Variants in STXBP4 observed in about 807,000 individuals in gnomAD.
STXBP4 encodes the protein syntaxin binding protein 4.
A neutral mutation model predicts 76.1 loss-of-function variants in STXBP4; 55 were observed. That is an observed-to-expected ratio of 0.72 (90% CI 0.58 to 0.91). The LOEUF (loss-of-function observed/expected upper bound fraction) is 0.91. Among genes scored for constraint, STXBP4 ranks in the 40% least tolerant of loss-of-function variants. The pLI, the probability that STXBP4 is intolerant of heterozygous loss-of-function variation, is 0.00. For missense variants in STXBP4, 618 were observed against 636.9 expected (o/e 0.97, Z 0.32); for synonymous variants, 201 against 220.2 (o/e 0.91, Z 0.77).
chr17:55,122,649 A>T (rs1486504709), intron 16 of STXBP4, among the ~76,000 whole-genome samples: 1 of 152,226 alleles, frequency 6.6e-6, no homozygotes, highest in Non-Finnish European at 1.5e-5. Flanking sequence ...AATAGAAAGC[A>T]GTCCATTTAA....
rs2080396657 is a variant in STXBP4, at chr17:55,169,842, AG to A, written c.*9932del. 2 of 152,224 alleles carry A rather than the reference AG, an allele frequency of 1.3e-5. No individual in the cohort carries two copies. The highest frequency in any genetic ancestry group is 4.8e-5 in the African/African-American group (2 of 41,460). The allele number at this position is 152,224 out of a possible 1,614,324, so 9.4% of individuals were successfully genotyped here. ...ATTGAATGTCTAAACAATCCAAGAC[AG>A]ATAATTTTGTAGTATTTACTGTGTG... On this transcript the variant is annotated 3_prime_UTR_variant, in exon 18 of 18. Transcript: ENST00000376352.
the STXBP4 span, among the ~76,000 whole-genome samples, chr17:55,211,168 C>T: frequency 2.0e-5 from 3 of 152,164 alleles, no homozygotes; most frequent in Admixed American, 6.5e-5. Context: ...TCCACCCGCA[C>T]CAGCCTTGAG....
At chr17:55,187,278 A>T in the STXBP4 span, among the ~76,000 whole-genome samples, 1 of 152,160 alleles carries the variant, frequency 6.6e-6, no homozygotes, top group Non-Finnish European at 1.5e-5. Context: ...TGCCCAGAAG[A>T]TGACTTATTA....
chr17:55,080,862 A>C (rs574484221), intron 15 of STXBP4, among the ~76,000 whole-genome samples, 188 bp from the exon 16 acceptor site: 7 of 152,312 alleles, frequency 4.6e-5, no homozygotes, highest in Admixed American at 3.3e-4. Context: ...TCTACTTATT[A>C]TGTCGTAAAT....
intron 12 of STXBP4, among the ~76,000 whole-genome samples, chr17:55,066,329 T>C (rs1730083911): frequency 6.6e-6 from 1 of 152,064 alleles, no homozygotes; most frequent in African/African-American, 2.4e-5. Context: ...ATTCAAGAGA[T>C]TCTTCTGCCT....
rs1190282259 is a variant in STXBP4 at position 55,043,294 on chromosome 17, A to G, written c.914A>G (p.Asp305Gly). ...ATGGAAAGGCTCAAGTGTGAAAGAG[A>G]TGATGCCTTGAAAGAAGTAAATACA... The part of the protein sequence containing the change: ...DEMERLKCER[D>G]DALKEVNTLK... Residue 305 changes from aspartate (D) to glycine (G), a missense_variant, in exon 11 of 18, where the codon GAT (aspartate) becomes GGT (glycine). Physicochemically the swap from Asp to Gly is moderately conservative, Grantham distance 94. Transcript: ENST00000376352. 1 of 1,536,118 alleles carries G rather than the reference A, an allele frequency of 6.5e-7. No individual in the cohort carries two copies. The highest frequency in any genetic ancestry group is 8.7e-7 in the Non-Finnish European group (1 of 1,143,268).
At position 55,146,365 on chromosome 17, in the gene STXBP4, G is replaced by T. The variant is rs150543593; in HGVS notation, c.1547+4998G>T. Among the ~76,000 whole-genome samples the T allele has an allele frequency of 8.1e-3, 1,233 of 152,204 alleles. 15 individuals carry two copies. Among genetic ancestry groups the T allele is most frequent in the African/African-American group, 0.028 (1,162 of 41,518 alleles). On this transcript the variant is annotated intron_variant, in intron 17 of 17. Transcript: ENST00000376352. ...TGGATTACTCTCTCACTTTCTCTCT[G>T]GGTCTCTCATGAAGTTGTAGTCACT...
intron 8 of STXBP4, among the ~76,000 whole-genome samples, chr17:55,013,341 A>C (rs2078146007): frequency 6.6e-6 from 1 of 152,232 alleles, no homozygotes; most frequent in Admixed American, 6.5e-5. Flanking sequence ...CTGGAAAGCC[A>C]CTTTTGCTTC....
intron 16 of STXBP4, among the ~76,000 whole-genome samples, chr17:55,139,479 C>T (rs1370568809): frequency 6.6e-6 from 1 of 152,104 alleles, no homozygotes; most frequent in East Asian, 1.9e-4. Context: ...GCATTTTTGT[C>T]ATGAAAGCAA....
At chr17:55,041,481 G>A (rs1598254377) in intron 10 of STXBP4, among the ~76,000 whole-genome samples, 1 of 152,042 alleles carries the variant, frequency 6.6e-6, no homozygotes, top group African/African-American at 2.4e-5. Flanking sequence ...GCCTCCCAAT[G>A]TGCTGGCATT....
In STXBP4 at chr17:55,037,444, T is replaced by C. The variant is rs149236401; in HGVS notation, c.855+3185T>C. ...ATTTATTTCCTCCTTACCAATATAA[T>C]TTTAGGGCAGATAAGAATGTGTTTA... On this transcript the variant is annotated intron_variant, in intron 10 of 17. Transcript: ENST00000376352. 7.6e-4 allele frequency among the ~76,000 whole-genome samples: 116 copies of C among 152,124 alleles called. No individual in the cohort carries two copies. In the Middle Eastern group the frequency reaches 0.01, roughly 13 times the overall value.
chr17:55,077,952 A>G (rs905211068), intron 13 of STXBP4, 126 bp from the exon 14 acceptor site: 60 of 616,332 alleles, frequency 9.7e-5, no homozygotes, highest in Non-Finnish European at 1.5e-4. Flanking sequence ...AAATCAAAAC[A>G]TATGTACAGT....
chr17:55,154,349 A>C (rs1024031277), intron 17 of STXBP4, among the ~76,000 whole-genome samples: 5 of 152,238 alleles, frequency 3.3e-5, no homozygotes, highest in African/African-American at 1.2e-4. Flanking sequence ...CTGCCTAGGC[A>C]GCTGCCACCT....
chr17:55,004,656 A>G (rs1290659208), intron 7 of STXBP4, among the ~76,000 whole-genome samples: 1 of 151,246 alleles, frequency 6.6e-6, no homozygotes. Context: ...AGCTGTGTTT[A>G]GGCCACTGCA....
intron 11 of STXBP4, chr17:55,044,896 G>A (rs1411563517): frequency 6.7e-6 from 1 of 149,986 alleles, no homozygotes; most frequent in African/African-American, 2.5e-5. Context: ...ATCTCAGGCA[G>A]CTTTTCAGGT....
intron 12 of STXBP4, among the ~76,000 whole-genome samples, chr17:55,061,650 C>T (rs562295824): frequency 5.3e-5 from 8 of 152,164 alleles, no homozygotes; most frequent in Admixed American, 1.3e-4. Flanking sequence ...TACCTGCTCC[C>T]CTAACACCTG....
At chr17:55,179,503 G>C in the STXBP4 span, among the ~76,000 whole-genome samples, 1 of 151,988 alleles carries the variant, frequency 6.6e-6, no homozygotes, top group African/African-American at 2.4e-5. Flanking sequence ...CAAATCTGAA[G>C]GCAAAAAGCT....
intron 16 of STXBP4, among the ~76,000 whole-genome samples, chr17:55,085,975 A>G (rs973476217): frequency 3.3e-5 from 5 of 152,200 alleles, no homozygotes; most frequent in African/African-American, 9.6e-5. Flanking sequence ...AGAATTTTAT[A>G]TATCAGACAT....
At chr17:55,030,423 C>G (rs1397527266) in intron 8 of STXBP4, among the ~76,000 whole-genome samples, 3 of 152,148 alleles carry the variant, frequency 2.0e-5, no homozygotes, top group Non-Finnish European at 4.4e-5. Context: ...TATGGCACTT[C>G]CCCTTGTATC....
Sources: allele counts gnomAD v4.1 joint callset (sites outside exome capture counted in the v4.1 genomes callset), GRCh38; gene constraint gnomAD v4.1.1; transcripts MANE v1.5; gene names NCBI Gene and HGNC (gene_info 2026-07-23, HGNC 2026-07-21).